The following CNBD1 variants were observed in gnomAD, a reference collection of about 807,000 sequenced individuals.
CNBD1 encodes the protein cyclic nucleotide-binding domain-containing protein 1.
CNBD1 carries 71 observed loss-of-function variants against 54.4 expected under a neutral mutation model. The ratio of observed to expected loss-of-function variants is 1.30; its 90% CI spans 1.08 to 1.59. CNBD1 has a LOEUF of 1.59. Ranked by LOEUF, CNBD1 falls within the 40% of genes most tolerant of loss-of-function variation. The pLI is 0.00. For synonymous variants in CNBD1, 182 were observed against 170.7 expected (o/e 1.07, Z -0.51); for missense variants, 659 against 518.0 (o/e 1.27, Z -2.64).
At chr8:87,115,519 A>G (rs1811750024) in intron 4 of CNBD1, among the ~76,000 whole-genome samples, 1 of 152,238 alleles carries the variant, frequency 6.6e-6, no homozygotes, top group South Asian at 2.1e-4. Flanking sequence ...ATCCAAAAGA[A>G]TAGTGCAATG....
intron 4 of CNBD1, among the ~76,000 whole-genome samples, chr8:87,133,684 C>T (rs1812167012): frequency 6.8e-6 from 1 of 146,702 alleles, no homozygotes; most frequent in African/African-American, 2.5e-5. Context: ...TGTTATACAA[C>T]CTCTTTTAAA....
At chr8:87,410,263 A>G (rs1478396483) in intron 2 of CNBD1, among the ~76,000 whole-genome samples, 1 of 152,136 alleles carries the variant, frequency 6.6e-6, no homozygotes, top group South Asian at 2.1e-4. Flanking sequence ...ATTGAAAAGT[A>G]ATTTCGATTT....
intron 4 of CNBD1, among the ~76,000 whole-genome samples, chr8:86,970,350 C>G (rs535839318): frequency 6.6e-5 from 10 of 152,156 alleles, no homozygotes; most frequent in African/African-American, 1.9e-4. Flanking sequence ...ATGATTTTGT[C>G]TCATCATGCT....
chr8:86,960,827 A>G (rs986654306), intron 4 of CNBD1, among the ~76,000 whole-genome samples: 1 of 152,176 alleles, frequency 6.6e-6, no homozygotes, highest in African/African-American at 2.4e-5. Flanking sequence ...CCATTCTGCA[A>G]TATTTGCTGT....
chr8:87,367,329 G>A (rs186661704), intron 10 of CNBD1, among the ~76,000 whole-genome samples: 12 of 152,142 alleles, frequency 7.9e-5, no homozygotes, highest in Non-Finnish European at 1.3e-4. Context: ...TTCTCAGAAC[G>A]TATATAAAGC....
At chr8:86,995,378 CA>C (rs1748529466) in intron 4 of CNBD1, among the ~76,000 whole-genome samples, 1 of 152,112 alleles carries the variant, frequency 6.6e-6, no homozygotes, top group African/African-American at 2.4e-5. Flanking sequence ...GGTAAATCAA[CA>C]AGTGAGAGTG....
intron 4 of CNBD1, among the ~76,000 whole-genome samples, chr8:87,161,808 A>G (rs1812863819): frequency 6.6e-6 from 1 of 152,164 alleles, no homozygotes; most frequent in Non-Finnish European, 1.5e-5. Flanking sequence ...AAATAATGTC[A>G]TATTGTTAAA....
intron 6 of CNBD1, among the ~76,000 whole-genome samples, chr8:87,266,513 A>G (rs1165743925): frequency 1.7e-5 from 2 of 119,984 alleles, no homozygotes; most frequent in Non-Finnish European, 3.2e-5. Context: ...GTGCAATGGC[A>G]CTATGTCGGC....
chr8:87,219,779 A>G (rs1291647008), intron 5 of CNBD1, among the ~76,000 whole-genome samples: 1 of 152,020 alleles, frequency 6.6e-6, no homozygotes, highest in Non-Finnish European at 1.5e-5. Context: ...TTTGAACCAA[A>G]CAATGTTAAA....
chr8:87,117,181 G>C (rs1298336492), intron 4 of CNBD1, among the ~76,000 whole-genome samples: 1 of 151,976 alleles, frequency 6.6e-6, no homozygotes, highest in Non-Finnish European at 1.5e-5. Context: ...GGTGGATCAC[G>C]AAGTCAGGAG....
At chr8:87,336,987 A>C (rs1193528203) in intron 8 of CNBD1, among the ~76,000 whole-genome samples, 1 of 152,028 alleles carries the variant, frequency 6.6e-6, no homozygotes, top group Non-Finnish European at 1.5e-5. Context: ...CTGGGGGTTC[A>C]CTTCAGGTCC....
At chr8:87,205,121 TG>T (rs1265188264) in intron 4 of CNBD1, among the ~76,000 whole-genome samples, 1 of 152,214 alleles carries the variant, frequency 6.6e-6, no homozygotes, top group Non-Finnish European at 1.5e-5. Flanking sequence ...ATGTGTGGTA[TG>T]GGTATCTGAA....
At chr8:86,955,771 T>A (rs975317062) in intron 4 of CNBD1, among the ~76,000 whole-genome samples, 1 of 152,258 alleles carries the variant, frequency 6.6e-6, no homozygotes, top group East Asian at 1.9e-4. Context: ...TGTCTCTTGT[T>A]CTGTAGGTTG....
intron 2 of CNBD1, among the ~76,000 whole-genome samples, chr8:87,427,350 A>T (rs574965229): frequency 9.2e-5 from 14 of 152,296 alleles, no homozygotes; most frequent in African/African-American, 3.4e-4. Flanking sequence ...ATTAGTTTTC[A>T]AAATATTAAG....
At chr8:87,188,616 C>A (rs1015099539) in intron 4 of CNBD1, among the ~76,000 whole-genome samples, 2 of 151,764 alleles carry the variant, frequency 1.3e-5, no homozygotes, top group South Asian at 4.2e-4. Context: ...ATCCCAGCTA[C>A]TTGGGAGACC....
At chr8:86,918,811 A>G (rs1375308884) in intron 3 of CNBD1, among the ~76,000 whole-genome samples, 1 of 151,864 alleles carries the variant, frequency 6.6e-6, no homozygotes. Flanking sequence ...AAAAAAAAAA[A>G]AAAAAGATTT....
intron 4 of CNBD1, among the ~76,000 whole-genome samples, chr8:87,055,320 T>C (rs188166914): frequency 3.3e-5 from 5 of 152,324 alleles, no homozygotes; most frequent in Admixed American, 2.6e-4. Flanking sequence ...ACTTCTCTTA[T>C]CTGAAAAGCT....
At chr8:87,372,435 T>C (rs895687989) in intron 10 of CNBD1, among the ~76,000 whole-genome samples, 1 of 151,916 alleles carries the variant, frequency 6.6e-6, no homozygotes, top group African/African-American at 2.4e-5. Flanking sequence ...CCTCACTGGA[T>C]AAAAAGTAAA....
intron 4 of CNBD1, among the ~76,000 whole-genome samples, chr8:87,107,408 T>C (rs1811564799): frequency 6.6e-6 from 1 of 152,192 alleles, no homozygotes; most frequent in Admixed American, 6.5e-5. Context: ...TCCTGAACTC[T>C]TTGCTCACCA....
Sources: allele counts gnomAD v4.1 joint callset (sites outside exome capture counted in the v4.1 genomes callset), GRCh38; gene constraint gnomAD v4.1.1; transcripts MANE v1.5; gene names NCBI Gene and HGNC (gene_info 2026-07-23, HGNC 2026-07-21).